Variants in ZNF423 observed in about 807,000 individuals in gnomAD.
ZNF423 encodes zinc finger protein 423.
A neutral mutation model predicts 95.8 loss-of-function variants in ZNF423; 12 were observed. The ratio of observed to expected loss-of-function variants is 0.13; its 90% confidence interval spans 0.08 to 0.20. ZNF423 has a LOEUF of 0.20. Ranked by LOEUF, ZNF423 falls within the 10% of genes least tolerant of loss-of-function variation. ZNF423 has a pLI of 1.00. For missense variants in ZNF423, 1,316 were observed against 1,737.1 expected (o/e 0.76, Z 4.31); for synonymous variants, 749 against 711.9 (o/e 1.05, Z -0.83).
chr16:49,804,212 G>A (rs1351275442), intron 1 of ZNF423, among the ~76,000 whole-genome samples: 5 of 152,058 alleles, frequency 3.3e-5, no homozygotes, highest in Non-Finnish European at 7.4e-5. Context: ...TGGGATTACA[G>A]GCCTGAGGCA....
chr16:49,770,906 G>A (rs977866032), intron 2 of ZNF423, among the ~76,000 whole-genome samples: 17 of 152,288 alleles, frequency 1.1e-4, no homozygotes, highest in African/African-American at 3.8e-4. Flanking sequence ...GCCTCCCCAC[G>A]GCAGCAGGAG....
chr16:49,505,346 A>G (rs1479676053), intron 7 of ZNF423, among the ~76,000 whole-genome samples: 1 of 152,212 alleles, frequency 6.6e-6, no homozygotes, highest in East Asian at 1.9e-4. Flanking sequence ...GGAAACTTTG[A>G]TCGTGTCCAT....
chr16:49,674,751 A>G lies in ZNF423; in HGVS notation c.302-35877T>C, dbSNP rs533182207. On this transcript the variant is annotated intron_variant, in intron 3 of 7. Transcript: ENST00000563137. ...GGGATGCTCTGAGGCCTTGGAACAGATGGGAAGGCAGGGAAGAGGGCACCA... is the reference window on the plus strand; with the variant it reads ...GGGATGCTCTGAGGCCTTGGAACAGGTGGGAAGGCAGGGAAGAGGGCACCA... Among the ~76,000 whole-genome samples the G allele has an allele frequency of 9.9e-5, 15 of 152,278 alleles. No individual in the cohort carries two copies. The East Asian group carries it at 2.7e-3, about 27-fold the overall frequency.
In ZNF423 at chr16:49,855,236, G is replaced by T. The variant is rs1345777537; in HGVS notation, c.40+499C>A. Among the ~76,000 whole-genome samples, 1 of 145,986 alleles carries T rather than the reference G, an allele frequency of 6.8e-6. No homozygotes were observed. Among genetic ancestry groups the T allele is most frequent in the Non-Finnish European group, 1.5e-5 (1 of 65,272 alleles). ...CCGCGTCCTCGGGCGACCAGGCAGG[G>T]GCCAGAGAGAGCCAGCGAGGCCCGG... On this transcript the variant is annotated intron_variant, in intron 1 of 7. Coordinates refer to ENST00000563137, the MANE Select transcript of ZNF423 (RefSeq NM_001379286.1). This position sits in a 1 kb window ranked among gnomAD's most constrained non-coding sequence, Gnocchi z 4.7.
In ZNF423 at chr16:49,855,078, G is replaced by A. The variant is rs1328396344; in HGVS notation, c.40+657C>T. 3 of 979,174 alleles carry A rather than the reference G, an allele frequency of 3.1e-6. No homozygotes were observed. In the African/African-American group the frequency reaches 5.3e-5, roughly 17 times the overall value. 60.7% of individuals were successfully genotyped at this position (979,174 alleles called of 1,614,324 possible). On this transcript the variant is annotated intron_variant, in intron 1 of 7. Transcript: ENST00000563137. This position sits in a 1 kb window ranked among gnomAD's most constrained non-coding sequence, Gnocchi z 4.7. ...CCTGGCGGAGGCTCCCTGCCCGGTGGGCCTCGGTGGAGGAGGCAGGAAGTG... is the reference window on the plus strand; with the variant it reads ...CCTGGCGGAGGCTCCCTGCCCGGTGAGCCTCGGTGGAGGAGGCAGGAAGTG...
At chr16:49,544,211 A>C (rs972438114) in intron 5 of ZNF423, among the ~76,000 whole-genome samples, 5 of 152,244 alleles carry the variant, frequency 3.3e-5, no homozygotes, top group Non-Finnish European at 7.3e-5. Flanking sequence ...AGTATGGTCC[A>C]GAGGTGAGGC....
intron 3 of ZNF423, among the ~76,000 whole-genome samples, chr16:49,669,056 G>A (rs568135900): frequency 5.3e-5 from 8 of 152,228 alleles, no homozygotes; most frequent in East Asian, 3.9e-4. Context: ...TCAACCATGC[G>A]CGGCAGCTCA....
intron 2 of ZNF423, among the ~76,000 whole-genome samples, chr16:49,743,824 A>C (rs2033465492): frequency 6.6e-6 from 1 of 152,138 alleles, no homozygotes; most frequent in Admixed American, 6.5e-5. Flanking sequence ...AAAGCCTTTA[A>C]AAATTAACCA....
Position 49,615,952 on chromosome 16 carries a change from C to T in ZNF423, c.3601+10218G>A, listed in dbSNP as rs117760383. On this transcript the variant is annotated intron_variant, in intron 5 of 7. Coordinates refer to ENST00000563137, the MANE Select transcript of ZNF423 (RefSeq NM_001379286.1). ...TCCAGGGAGGCCGCTGCATACGTTT[C>T]ATTTTCACCTTGCTCCCACACACAC... 4.3e-4 allele frequency among the ~76,000 whole-genome samples: 65 copies of T among 152,316 alleles called. 1 individual carries two copies. In the East Asian group the frequency reaches 0.011, roughly 26 times the overall value.
intron 5 of ZNF423, among the ~76,000 whole-genome samples, chr16:49,620,708 G>A (rs1041312268): frequency 6.6e-6 from 1 of 152,170 alleles, no homozygotes; most frequent in African/African-American, 2.4e-5. Flanking sequence ...GGGCCCAGAG[G>A]CTGAGTCACT....
intron 5 of ZNF423, among the ~76,000 whole-genome samples, chr16:49,549,994 T>A (rs1269983758): frequency 6.6e-6 from 1 of 151,830 alleles, no homozygotes; most frequent in Non-Finnish European, 1.5e-5. Context: ...CACCTCAGCC[T>A]CCCAAGTAGC....
At chr16:49,513,771 C>T (rs563234104) in intron 7 of ZNF423, among the ~76,000 whole-genome samples, 13 of 152,094 alleles carry the variant, frequency 8.5e-5, no homozygotes, top group East Asian at 1.9e-4. Context: ...ATATGGCCAA[C>T]GGAATCAGGG....
At chr16:49,502,281 C>T (rs900977579) in intron 7 of ZNF423, among the ~76,000 whole-genome samples, 33 of 152,128 alleles carry the variant, frequency 2.2e-4, no homozygotes, top group East Asian at 7.7e-4. Context: ...ATGTGGGACT[C>T]GGTGTGGTTA....
Position 49,734,522 on chromosome 16 carries a change from C to T in ZNF423, c.101-3551G>A, listed in dbSNP as rs140603999. On this transcript the variant is annotated intron_variant, in intron 2 of 7. Transcript: ENST00000563137. ...TGCTTTTCTGCAGAGGCCTCCAGGG[C>T]TGGGGAGGGCTTCCCGAAAACAGCC... 2.4e-3 allele frequency among the ~76,000 whole-genome samples: 367 copies of T among 152,348 alleles called. 4 individuals are homozygous for T. Among genetic ancestry groups the T allele is most frequent in the African/African-American group, 8.6e-3 (357 of 41,586 alleles).
At chr16:49,795,685 G>C (rs539693939) in intron 1 of ZNF423, among the ~76,000 whole-genome samples, 4 of 152,292 alleles carry the variant, frequency 2.6e-5, no homozygotes, top group African/African-American at 9.6e-5. Flanking sequence ...AGGGATGGAG[G>C]GGGCTACACA....
chr16:49,698,876 G>A (rs1310432531), intron 3 of ZNF423, among the ~76,000 whole-genome samples: 1 of 152,244 alleles, frequency 6.6e-6, no homozygotes, highest in Admixed American at 6.5e-5. Flanking sequence ...TAAAGCATTT[G>A]TTGATTCTAC....
intron 5 of ZNF423, among the ~76,000 whole-genome samples, chr16:49,584,487 T>C (rs558990837): frequency 1.3e-3 from 194 of 152,276 alleles, no homozygotes; most frequent in African/African-American, 4.6e-3. Context: ...CTATAGGAAT[T>C]GTCTGTACTC....
chr16:49,505,289 A>C (rs1259728723), intron 7 of ZNF423, among the ~76,000 whole-genome samples: 1 of 152,252 alleles, frequency 6.6e-6, no homozygotes, highest in Non-Finnish European at 1.5e-5. Context: ...ACATATGTTC[A>C]GGTCCCCAAA....
chr16:49,597,256 G>C (rs1296909745), intron 5 of ZNF423, among the ~76,000 whole-genome samples: 4 of 152,168 alleles, frequency 2.6e-5, no homozygotes, highest in Non-Finnish European at 5.9e-5. Flanking sequence ...TGGGAACCTG[G>C]GGGAGGAGGG....
Sources: gnomAD v4.1 joint callset for allele counts (sites outside exome capture counted in the v4.1 genomes callset) on GRCh38, gnomAD v4.1.1 for gene constraint, Gnocchi (gnomAD v3.1) non-coding constraint, MANE v1.5 for transcripts, NCBI Gene and HGNC (gene_info 2026-07-23, HGNC 2026-07-21) for gene names.